The following GIGYF2 variants were observed in gnomAD, a reference collection of about 807,000 sequenced individuals.
GIGYF2 encodes GRB10-interacting GYF protein 2.
A neutral mutation model predicts 208.1 loss-of-function variants in GIGYF2; 25 were observed. The observed-to-expected ratio is 0.12, with a 90% CI of 0.09 to 0.17. GIGYF2 has a LOEUF of 0.17. Among genes scored for constraint, GIGYF2 ranks in the 10% least tolerant of loss-of-function variants. The probability of loss-of-function intolerance (pLI) is 1.00; values close to 1 mark genes in which losing one functional copy is unlikely to be tolerated. For missense variants in GIGYF2, 1,302 were observed against 1,579.4 expected, an observed-to-expected ratio of 0.82 and a Z score of 2.98; for synonymous variants, 534 against 543.8, an observed-to-expected ratio of 0.98 and a Z score of 0.25.
Position 232,847,529 on chromosome 2 carries a change from GCAGCAGCCGCCA to G in GIGYF2, c.3663_3674del (p.Pro1222_Pro1225del), listed in dbSNP as rs755084616. 2,520 of 1,606,906 alleles carry G rather than the reference GCAGCAGCCGCCA, an allele frequency of 1.6e-3. 8 individuals are homozygous for G. Among genetic ancestry groups the G allele is most frequent in the Middle Eastern group, 5.9e-3 (28 of 4,764 alleles). Reference sequence around the variant, plus strand: ...AGCAGCAGCTGCCACAGCAGCAGCAGCAGCAGCCGCCACAGCAGCCGCCACAGCAGCCACAAC... The same window carrying G: ...AGCAGCAGCTGCCACAGCAGCAGCAGCAGCAGCCGCCACAGCAGCCACAAC... On this transcript the variant is annotated inframe_deletion, in exon 27 of 29. Transcript: ENST00000373563.
chr2:232,815,914 A>C, intron 19 of GIGYF2, 177 bp downstream of exon 19: 1 of 594,770 alleles, frequency 1.7e-6, no homozygotes, highest in Non-Finnish European at 3.0e-6. Flanking sequence ...AAAAAAAAAA[A>C]ACTCAAAACA....
At chr2:232,741,875 C>T (rs1381308857) in intron 3 of GIGYF2, among the ~76,000 whole-genome samples, 1 of 152,158 alleles carries the variant, frequency 6.6e-6, no homozygotes, top group African/African-American at 2.4e-5. Flanking sequence ...TTATTATATT[C>T]TTCTACTAGC....
intron 8 of GIGYF2, among the ~76,000 whole-genome samples, chr2:232,762,248 TTG>T (rs1255824802): frequency 6.8e-6 from 1 of 147,786 alleles, no homozygotes; most frequent in African/African-American, 2.5e-5. Flanking sequence ...GTTTTTTTTT[TTG>T]TTTTTTTTTG....
At position 232,806,697 on chromosome 2, in the gene GIGYF2, C is replaced by G; in HGVS notation, c.1806+40C>G. On this transcript the variant is annotated intron_variant, in intron 15 of 28. Transcript: ENST00000373563. This position sits in a 1 kb window ranked among gnomAD's most constrained non-coding sequence, Gnocchi z 4.0. ...CCTCACCTGGAATACATATTAGTCACGGAAACACTTGATTCTCTTTGAAAA... is the reference window on the plus strand; with the variant it reads ...CCTCACCTGGAATACATATTAGTCAGGGAAACACTTGATTCTCTTTGAAAA... 1 of 1,358,650 alleles carries G rather than the reference C, an allele frequency of 7.4e-7. No individual in the cohort carries two copies. The highest frequency in any genetic ancestry group is 1.1e-6 in the Non-Finnish European group (1 of 947,422). The allele number at this position is 1,358,650 out of a possible 1,614,324, so 84.2% of individuals were successfully genotyped here. A position where few individuals can be genotyped will look rare whatever the true frequency, so the allele number is the denominator to read the frequency against.
At chr2:232,802,583 A>G (rs1462593333) in intron 14 of GIGYF2, among the ~76,000 whole-genome samples, 1 of 152,218 alleles carries the variant, frequency 6.6e-6, no homozygotes, top group Non-Finnish European at 1.5e-5. Context: ...TTCTAGGAAT[A>G]AATAAATCCC....
chr2:232,722,206 C>G (rs1410426098), intron 2 of GIGYF2, among the ~76,000 whole-genome samples: 1 of 152,098 alleles, frequency 6.6e-6, no homozygotes, highest in Non-Finnish European at 1.5e-5. Flanking sequence ...TAATGAACTG[C>G]CTGAGACTGG....
intron 8 of GIGYF2, chr2:232,768,122 G>C: frequency 1.3e-6 from 2 of 1,489,286 alleles, no homozygotes; most frequent in Non-Finnish European, 1.9e-6. Flanking sequence ...GAAAACATGA[G>C]ATACAGTAAA....
At position 232,842,330 on chromosome 2, in the gene GIGYF2, T is replaced by TA. The variant is rs569928676; in HGVS notation, c.2890-1715dup. ...CTAGGCTTCCCAAAATGTTGGGTATTACAGGCATGAGCTACCACACCTGGC... is the reference window on the plus strand; with the variant it reads ...CTAGGCTTCCCAAAATGTTGGGTATTAACAGGCATGAGCTACCACACCTGGC... On this transcript the variant is annotated intron_variant, in intron 23 of 28. Transcript: ENST00000373563. Among the ~76,000 whole-genome samples, 174 of 152,316 alleles carry TA rather than the reference T, an allele frequency of 1.1e-3. 1 individual carries two copies. Among genetic ancestry groups the TA allele is most frequent in the African/African-American group, 4.0e-3 (167 of 41,568 alleles).
At chr2:232,751,394 T>C (rs1218172286) in intron 5 of GIGYF2, among the ~76,000 whole-genome samples, 1 of 152,026 alleles carries the variant, frequency 6.6e-6, no homozygotes, top group Non-Finnish European at 1.5e-5. Context: ...TTTGTATTTT[T>C]AGTAGAGACA....
intron 27 of GIGYF2, among the ~76,000 whole-genome samples, chr2:232,849,856 C>T (rs1056316846): frequency 6.6e-6 from 1 of 152,216 alleles, no homozygotes; most frequent in Non-Finnish European, 1.5e-5. Flanking sequence ...CACCCCTGTC[C>T]TCTCTGTCCT....
At chr2:232,849,736 T>C (rs997623631) in intron 27 of GIGYF2, among the ~76,000 whole-genome samples, 6 of 152,168 alleles carry the variant, frequency 3.9e-5, no homozygotes, top group Non-Finnish European at 5.9e-5. Context: ...GGCAATTTCA[T>C]AGTGTAACCA....
In GIGYF2 at chr2:232,858,699, G is replaced by T; in HGVS notation, c.*1839G>T. 2.7e-6 allele frequency: 1 copy of T among 365,148 alleles called. No homozygotes were observed. The highest frequency in any genetic ancestry group is 3.6e-5 in the Admixed American group (1 of 27,494). 22.6% of individuals were successfully genotyped at this position (365,148 alleles called of 1,614,324 possible). ...ACTAAACTGTTCCTCTTGGTACCATGGAAAAGCTCCAAGCACCCAAGACAT... is the reference window on the plus strand; with the variant it reads ...ACTAAACTGTTCCTCTTGGTACCATTGAAAAGCTCCAAGCACCCAAGACAT... On this transcript the variant is annotated 3_prime_UTR_variant, in exon 29 of 29. Coordinates refer to ENST00000373563, the MANE Select transcript of GIGYF2 (RefSeq NM_001103146.3).
At chr2:232,751,055 G>A (rs189873690) in intron 5 of GIGYF2, among the ~76,000 whole-genome samples, 4 of 152,164 alleles carry the variant, frequency 2.6e-5, no homozygotes, top group African/African-American at 4.8e-5. Context: ...TTGAACTCCT[G>A]GCCTCAAGCG....
At chr2:232,840,330 A>G (rs1701778181) in intron 23 of GIGYF2, among the ~76,000 whole-genome samples, 1 of 152,214 alleles carries the variant, frequency 6.6e-6, no homozygotes. Flanking sequence ...TTCTCTAAAG[A>G]CACTGGGTTC....
chr2:232,843,059 T>C (rs187152405), intron 23 of GIGYF2: 1 of 152,306 alleles, frequency 6.6e-6, no homozygotes, highest in East Asian at 1.9e-4. Flanking sequence ...GTCTGTTACA[T>C]TGGTTCTCAT....
At chr2:232,776,126 A>G (rs949918499) in intron 8 of GIGYF2, among the ~76,000 whole-genome samples, 2 of 152,182 alleles carry the variant, frequency 1.3e-5, no homozygotes, top group African/African-American at 4.8e-5. Flanking sequence ...TTCCAAAAGA[A>G]AAAGACTTTT....
intron 21 of GIGYF2, among the ~76,000 whole-genome samples, chr2:232,828,127 C>G (rs980153865): frequency 2.0e-5 from 3 of 151,950 alleles, no homozygotes; most frequent in Non-Finnish European, 2.9e-5. Flanking sequence ...GTAGGTGGGA[C>G]CACAGATGTG....
Position 232,844,481 on chromosome 2 carries a change from C to T in GIGYF2, c.3212C>T (p.Thr1071Ile), listed in dbSNP as rs767094902. 4.3e-6 allele frequency: 7 copies of T among 1,612,276 alleles called. No individual in the cohort carries two copies. In the African/African-American group the frequency reaches 6.7e-5, roughly 15 times the overall value. The change falls in exon 25 of 29, where the codon ACT becomes ATT. Residue 1071 changes from threonine (T) to isoleucine (I), a missense_variant. Thr to Ile is a moderately conservative substitution (Grantham distance 89). This residue lies in a region of GIGYF2 where 701 missense variants were observed against 793.0 expected (regional missense o/e 0.88). Transcript: ENST00000373563. ...LVSSIWSNAD[T>I]KNSNMGFWDD... The stretch of plus-strand genomic sequence containing the variant: ...AGTAGTATTTGGAGTAATGCTGACA[C>T]TAAAAACTCCAACATGGGATTCTGG...
At chr2:232,776,614 TC>T in intron 8 of GIGYF2, 1 of 655,694 alleles carries the variant, frequency 1.5e-6, no homozygotes, top group Non-Finnish European at 2.8e-6. Flanking sequence ...GGGGCTGGTT[TC>T]AGCTGAGGTT....
Sources: allele counts gnomAD v4.1 joint callset (sites outside exome capture counted in the v4.1 genomes callset), GRCh38; gene constraint gnomAD v4.1.1; regional missense constraint gnomAD v4.1.1; non-coding constraint Gnocchi (gnomAD v3.1); transcripts MANE v1.5; gene names NCBI Gene and HGNC (gene_info 2026-07-23, HGNC 2026-07-21).